The following ULK4 variants were observed in gnomAD, a reference collection of about 807,000 sequenced individuals.
ULK4 encodes the protein inactive serine/threonine-protein kinase ULK4.
Under a neutral mutation model 160.6 loss-of-function variants are expected in ULK4, and 133 were observed. The ratio of observed to expected loss-of-function variants is 0.83; its 90% CI spans 0.72 to 0.96. The LOEUF is 0.96. Among genes scored for constraint, ULK4 ranks in the 40% least tolerant of loss-of-function variants. The pLI, the probability that ULK4 is intolerant of heterozygous loss-of-function variation, is 0.00. For synonymous variants in ULK4, 534 were observed against 539.8 expected, an observed-to-expected ratio of 0.99 and a Z score of 0.15; for missense variants, 1,580 against 1,499.5, an observed-to-expected ratio of 1.05 and a Z score of -0.89.
intron 18 of ULK4, among the ~76,000 whole-genome samples, chr3:41,829,753 C>G (rs145813657): frequency 0.064 from 9,675 of 150,030 alleles, 1,023 homozygotes; most frequent in African/African-American, 0.22. Flanking sequence ...CCTCAGAGAT[C>G]TAGAACTAGA....
At chr3:41,826,230 C>T (rs1192851571) in intron 18 of ULK4, among the ~76,000 whole-genome samples, 1 of 152,136 alleles carries the variant, frequency 6.6e-6, no homozygotes, top group African/African-American at 2.4e-5. Context: ...ACGATGGAGG[C>T]TAGGAAGAAA....
chr3:41,635,381 C>G (rs186081392), intron 30 of ULK4, among the ~76,000 whole-genome samples: 16 of 151,814 alleles, frequency 1.1e-4, no homozygotes, highest in Admixed American at 3.9e-4. Flanking sequence ...TAGTTTTGTC[C>G]TAATTATAAA....
chr3:41,724,479 C>T (rs1391778531), intron 22 of ULK4, among the ~76,000 whole-genome samples: 1 of 152,150 alleles, frequency 6.6e-6, no homozygotes. Flanking sequence ...AATCCCAGCA[C>T]TTTGGGAGGC....
chr3:41,604,826 A>C (rs570723340), intron 31 of ULK4, among the ~76,000 whole-genome samples: 1 of 152,208 alleles, frequency 6.6e-6, no homozygotes, highest in African/African-American at 2.4e-5. Context: ...TCTTTCTCAA[A>C]TTTCAGCTCT....
chr3:41,397,518 G>A lies in ULK4; in HGVS notation c.3678+561C>T, dbSNP rs140020037. Among the ~76,000 whole-genome samples the A allele has an allele frequency of 6.5e-3, 987 of 152,172 alleles. 5 individuals carry two copies. The highest frequency in any genetic ancestry group is 0.011 in the Admixed American group (164 of 15,268). ...TTCTAGAGTACTAACAAACCTAATC[G>A]TGAAGAAACATCAAACAGACCCAAA... On this transcript the variant is annotated intron_variant, in intron 35 of 36. Transcript: ENST00000301831.
intron 22 of ULK4, among the ~76,000 whole-genome samples, chr3:41,721,476 T>C (rs2037470404): frequency 6.7e-6 from 1 of 149,182 alleles, no homozygotes; most frequent in Non-Finnish European, 1.5e-5. Context: ...CAAGTGATTC[T>C]CCTGCCTCAG....
chr3:41,683,496 T>A (rs1049654416), intron 27 of ULK4, among the ~76,000 whole-genome samples: 1 of 151,632 alleles, frequency 6.6e-6, no homozygotes, highest in Non-Finnish European at 1.5e-5. Flanking sequence ...ACCTGAAGTT[T>A]TGATTCAGCA....
rs1237444771 is a variant in ULK4, at chr3:41,566,048, T to C, written c.3203A>G (p.Asn1068Ser). The C allele has an allele frequency of 6.2e-7, 1 of 1,613,706 alleles. No homozygotes were observed. Among genetic ancestry groups the C allele is most frequent in the Non-Finnish European group, 8.5e-7 (1 of 1,179,902 alleles). ...LSNLVACKDS[N>S]MELLYEQGLV... is the part of the protein sequence containing the mutation. ...ACCTTGTTCATAAAGTAGTTCCATA[T>C]TCGAATCTTTGCAGGCAACTAGATT... Residue 1068 changes from asparagine to serine, a missense_variant, in exon 32 of 37, where the codon AAT becomes AGT. Transcript: ENST00000301831.
intron 16 of ULK4, among the ~76,000 whole-genome samples, chr3:41,885,053 C>T (rs1361525630): frequency 2.0e-5 from 3 of 152,062 alleles, no homozygotes; most frequent in Non-Finnish European, 2.9e-5. Context: ...AGATGGGGTC[C>T]GCTATGATGC....
At chr3:41,856,981 C>G (rs916694170) in intron 17 of ULK4, among the ~76,000 whole-genome samples, 3 of 152,042 alleles carry the variant, frequency 2.0e-5, no homozygotes, top group African/African-American at 7.2e-5. Context: ...AGCTTTTCTT[C>G]CTTTGCTTTC....
chr3:41,722,491 C>A (rs1347032841), intron 22 of ULK4, among the ~76,000 whole-genome samples: 1 of 152,008 alleles, frequency 6.6e-6, no homozygotes, highest in African/African-American at 2.4e-5. Context: ...ATTAGCCAGG[C>A]GTGGTGGCAC....
At chr3:41,451,513 CA>C (rs1279484384) in intron 34 of ULK4, among the ~76,000 whole-genome samples, 2 of 151,890 alleles carry the variant, frequency 1.3e-5, no homozygotes, top group African/African-American at 4.8e-5. Context: ...TCCCAGGTAT[CA>C]TCTCATTTAA....
chr3:41,447,390 T>A (rs946179211), intron 34 of ULK4, among the ~76,000 whole-genome samples: 1 of 152,122 alleles, frequency 6.6e-6, no homozygotes, highest in Non-Finnish European at 1.5e-5. Flanking sequence ...GCACACCTCA[T>A]ATCCCGCCAC....
intron 34 of ULK4, among the ~76,000 whole-genome samples, chr3:41,452,859 C>T (rs531595819): frequency 1.3e-4 from 20 of 152,220 alleles, no homozygotes; most frequent in African/African-American, 4.3e-4. Flanking sequence ...ACAGCCAAAA[C>T]AGAATGGCTT....
intron 30 of ULK4, among the ~76,000 whole-genome samples, chr3:41,648,027 G>A (rs563770406): frequency 3.7e-4 from 57 of 152,348 alleles, no homozygotes; most frequent in African/African-American, 1.3e-3. Flanking sequence ...CTCGTGGTGC[G>A]CCATTTTTTA....
intron 22 of ULK4, among the ~76,000 whole-genome samples, chr3:41,738,801 G>C (rs2038139992): frequency 6.6e-6 from 1 of 151,910 alleles, no homozygotes; most frequent in Non-Finnish European, 1.5e-5. Flanking sequence ...TTGAATGTGT[G>C]CCTCTCATTA....
At chr3:41,387,979 C>A (rs2081861569) in intron 35 of ULK4, among the ~76,000 whole-genome samples, 1 of 152,232 alleles carries the variant, frequency 6.6e-6, no homozygotes, top group Admixed American at 6.5e-5. Context: ...AACTAGTTTA[C>A]AGTCACACCA....
chr3:41,661,341 G>GT (rs561879072), intron 30 of ULK4, among the ~76,000 whole-genome samples: 2 of 151,246 alleles, frequency 1.3e-5, no homozygotes, highest in East Asian at 1.9e-4. Flanking sequence ...TACTATCTAG[G>GT]TTTTTTTTTA....
At chr3:41,592,627 CA>C (rs1359542068) in intron 31 of ULK4, among the ~76,000 whole-genome samples, 1 of 152,118 alleles carries the variant, frequency 6.6e-6, no homozygotes, top group East Asian at 1.9e-4. Flanking sequence ...AAACTCTTAT[CA>C]GTTATAAATG....
Sources: allele counts gnomAD v4.1 joint callset (sites outside exome capture counted in the v4.1 genomes callset), GRCh38; gene constraint gnomAD v4.1.1; transcripts MANE v1.5; gene names NCBI Gene and HGNC (gene_info 2026-07-23, HGNC 2026-07-21).